SCAMP5: variants seen among roughly 807,000 people sequenced by gnomAD.
SCAMP5 encodes the protein secretory carrier membrane protein 5.
In SCAMP5, 7 loss-of-function variants were observed where a neutral mutation model predicts 28.3. The observed-to-expected ratio is 0.25, with a 90% CI of 0.14 to 0.46. The LOEUF is 0.46. SCAMP5 is among the 20% of genes least tolerant of loss of function. The pLI, the probability that SCAMP5 is intolerant of heterozygous loss-of-function variation, is 0.99. For missense variants in SCAMP5, 192 were observed against 312.5 expected, an observed-to-expected ratio of 0.61 and a Z score of 2.91; for synonymous variants, 117 against 116.4, an observed-to-expected ratio of 1.00 and a Z score of -0.03.
intron 1 of SCAMP5, among the ~76,000 whole-genome samples, chr15:75,004,555 C>G (rs2065738326): frequency 6.6e-6 from 1 of 151,724 alleles, no homozygotes; most frequent in Non-Finnish European, 1.5e-5. Flanking sequence ...CATGGCGAAA[C>G]CTTCTCTCTG....
chr15:75,001,869 C>CAAAAAA (rs769760180), intron 1 of SCAMP5, among the ~76,000 whole-genome samples: 10 of 40,460 alleles, frequency 2.5e-4, no homozygotes, highest in Admixed American at 1.1e-3. Context: ...GACTCGGTCT[C>CAAAAAA]AAAAAAAAAA....
chr15:74,999,644 A>C (rs1241545048), intron 1 of SCAMP5, among the ~76,000 whole-genome samples: 1 of 152,138 alleles, frequency 6.6e-6, no homozygotes, highest in African/African-American at 2.4e-5. Flanking sequence ...AAATAAAAAA[A>C]CACAAAAGTT....
At chr15:75,010,781 GAAA>G (rs60018418) in intron 1 of SCAMP5, among the ~76,000 whole-genome samples, 1 of 145,184 alleles carries the variant, frequency 6.9e-6, no homozygotes, top group Admixed American at 6.9e-5. Context: ...CCCTGTCTAA[GAAA>G]AAAAAAAATG....
intron 1 of SCAMP5, among the ~76,000 whole-genome samples, chr15:75,002,612 C>T (rs752040607): frequency 6.6e-6 from 1 of 151,990 alleles, no homozygotes; most frequent in Non-Finnish European, 1.5e-5. Flanking sequence ...ACATGGGAGC[C>T]CTCAGTGGCA....
At chr15:75,012,176 T>C (rs1187640010) in intron 2 of SCAMP5, among the ~76,000 whole-genome samples, 4 of 152,206 alleles carry the variant, frequency 2.6e-5, no homozygotes, top group Non-Finnish European at 5.9e-5. Context: ...TGAGGCCTTT[T>C]TTATCTGGTT....
intron 1 of SCAMP5, among the ~76,000 whole-genome samples, chr15:75,000,023 A>T (rs763742633): frequency 3.9e-5 from 6 of 152,204 alleles, no homozygotes; most frequent in Non-Finnish European, 7.3e-5. Context: ...GTCATATATG[A>T]TTCTATATAC....
intron 3 of SCAMP5, chr15:75,013,086 C>T (rs1382312145): frequency 1.7e-5 from 8 of 462,530 alleles, no homozygotes; most frequent in Non-Finnish European, 3.1e-5. Flanking sequence ...ACAGGGGTCC[C>T]TCTCTGCAGT....
At chr15:75,005,797 T>C (rs1308916216) in intron 1 of SCAMP5, among the ~76,000 whole-genome samples, 1 of 152,100 alleles carries the variant, frequency 6.6e-6, no homozygotes, top group East Asian at 1.9e-4. Flanking sequence ...CGATCTCGTC[T>C]TACTGCAACC....
intron 3 of SCAMP5, among the ~76,000 whole-genome samples, chr15:75,014,879 G>A (rs2065845662): frequency 6.6e-6 from 1 of 152,178 alleles, no homozygotes; most frequent in South Asian, 2.1e-4. Flanking sequence ...TATATAAAGA[G>A]CAAATAAAAT....
In SCAMP5 at chr15:75,000,683, CTTTTTTTTTT is replaced by C. The variant is rs58106804; in HGVS notation, c.-49+5020_-49+5029del. ...ACAGGCGTGAGCCATCGCACCCAGC[CTTTTTTTTTT>C]TTTTTTTTTGAAGAGAAGAAGAATA... is the stretch of plus-strand genomic sequence containing the variant. On this transcript the variant is annotated intron_variant, in intron 1 of 6. Coordinates refer to ENST00000425597, the MANE Select transcript of SCAMP5 (RefSeq NM_138967.4). Among the ~76,000 whole-genome samples, 14 of 120,290 alleles carry C rather than the reference CTTTTTTTTTT, an allele frequency of 1.2e-4. No homozygotes were observed. In the East Asian group the frequency reaches 3.0e-3, roughly 26 times the overall value. 78.9% of individuals were successfully genotyped at this position (120,290 alleles called of 152,430 possible).
rs2289582 is a variant in SCAMP5, at chr15:75,018,053, T to G, written c.395+82T>G. ...TTGCTTACCTTTGTGTGCTAAGCTG[T>G]CTAGCCTATGGGGCCTGAGTGATGG... On this transcript the variant is annotated intron_variant, in intron 5 of 6. Transcript: ENST00000425597. The surrounding 1 kb of genome is among the most constrained non-coding windows in gnomAD (Gnocchi z 5.6). 5 of 856,406 alleles carry G rather than the reference T, an allele frequency of 5.8e-6. No homozygotes were observed. Among genetic ancestry groups the G allele is most frequent in the Non-Finnish European group, 9.7e-6 (5 of 516,098 alleles). 53.1% of individuals were successfully genotyped at this position (856,406 alleles called of 1,614,324 possible). A position where few individuals can be genotyped will look rare whatever the true frequency, so the allele number is the denominator to read the frequency against.
chr15:75,013,622 C>A (rs1468638163), intron 3 of SCAMP5, among the ~76,000 whole-genome samples: 1 of 152,022 alleles, frequency 6.6e-6, no homozygotes, highest in Non-Finnish European at 1.5e-5. Flanking sequence ...ATCCAATGAG[C>A]CTAGGAGTTT....
In SCAMP5 at chr15:75,018,213, G is replaced by A. The variant is rs1595890090; in HGVS notation, c.396-205G>A. Among the ~76,000 whole-genome samples the A allele has an allele frequency of 6.6e-6, 1 of 152,098 alleles. No individual in the cohort carries two copies. The highest frequency in any genetic ancestry group is 2.4e-5 in the African/African-American group (1 of 41,400). On this transcript the variant is annotated intron_variant, in intron 5 of 6. Transcript: ENST00000425597. The surrounding 1 kb of genome is among the most constrained non-coding windows in gnomAD (Gnocchi z 5.6). ...ATAGGAAAACCTGGGGGAAGAAAGTGTTGTATCTGAAGAGCACCTCTGAGC... is the reference window on the plus strand; with the variant it reads ...ATAGGAAAACCTGGGGGAAGAAAGTATTGTATCTGAAGAGCACCTCTGAGC...
intron 4 of SCAMP5, 76 bp from the exon 5 acceptor site, chr15:75,017,794 A>G (rs1331007305): frequency 2.2e-6 from 2 of 914,170 alleles, no homozygotes; most frequent in African/African-American, 1.6e-5. Flanking sequence ...TTAAACTTGG[A>G]AGGGCTTGGG....
In SCAMP5 at chr15:75,018,979, T is replaced by C. The variant is rs1020913016; in HGVS notation, c.704T>C (p.Met235Thr). The C allele has an allele frequency of 1.3e-6, 2 of 1,505,102 alleles. No homozygotes were observed. The highest frequency in any genetic ancestry group is 2.8e-5 in the African/African-American group (2 of 70,442). The allele number at this position is 1,505,102 out of a possible 1,614,324, so 93.2% of individuals were successfully genotyped here. ...ATPNYTYSNE[M>T] ...CCCAATTACACGTACTCCAATGAGA[T>C]GTGAACCAGCCACGCCTACCAGGTG... Residue 235 changes from methionine to threonine, a missense_variant, in exon 7 of 7, where the codon ATG becomes ACG. Coordinates refer to ENST00000425597, the MANE Select transcript of SCAMP5 (RefSeq NM_138967.4). The surrounding 1 kb of genome is among the most constrained non-coding windows in gnomAD (Gnocchi z 5.6).
At chr15:75,002,486 G>T (rs2065719192) in intron 1 of SCAMP5, among the ~76,000 whole-genome samples, 1 of 151,740 alleles carries the variant, frequency 6.6e-6, no homozygotes, top group South Asian at 2.1e-4. Flanking sequence ...TCTGTATATT[G>T]TCAGCCAGGC....
At position 75,021,205 on chromosome 15, in the gene SCAMP5, G is replaced by A. The variant is rs1010222059; in HGVS notation, c.*2222G>A. 6.6e-6 allele frequency: 1 copy of A among 152,348 alleles called. No homozygotes were observed. The highest frequency in any genetic ancestry group is 1.5e-5 in the Non-Finnish European group (1 of 68,166). 9.4% of individuals were successfully genotyped at this position (152,348 alleles called of 1,614,324 possible). A position where few individuals can be genotyped will look rare whatever the true frequency, so the allele number is the denominator to read the frequency against. ...GTGGCCCAGCTTGTTCAGGCCCTGG[G>A]ATGCTGCATCTCCAGGCAACTATGC... On this transcript the variant is annotated 3_prime_UTR_variant, in exon 7 of 7. Coordinates refer to ENST00000425597, the MANE Select transcript of SCAMP5 (RefSeq NM_138967.4).
Position 75,011,856 on chromosome 15 carries a change from G to C in SCAMP5, c.7+10G>C. 2 of 1,611,618 alleles carry C rather than the reference G, an allele frequency of 1.2e-6. No individual in the cohort carries two copies. Among genetic ancestry groups the C allele is most frequent in the Non-Finnish European group, 1.7e-6 (2 of 1,177,924 alleles). ...GGTAACATCATGGCAGGTAAGGAGA[G>C]GGGCAGGCTGTGTGGGTAGGACATG... On this transcript the variant is annotated intron_variant, in intron 2 of 6. Transcript: ENST00000425597.
At chr15:75,010,795 T>C (rs2065804613) in intron 1 of SCAMP5, among the ~76,000 whole-genome samples, 1 of 150,572 alleles carries the variant, frequency 6.6e-6, no homozygotes, top group South Asian at 2.1e-4. Context: ...AAAAAAAATG[T>C]GAAGCTCCTT....
Sources: allele counts gnomAD v4.1 joint callset (sites outside exome capture counted in the v4.1 genomes callset), GRCh38; gene constraint gnomAD v4.1.1; non-coding constraint Gnocchi (gnomAD v3.1); transcripts MANE v1.5; gene names NCBI Gene and HGNC (gene_info 2026-07-23, HGNC 2026-07-21).